TARS3: variants seen among roughly 807,000 people sequenced by gnomAD.
The protein encoded by TARS3 is threonine--tRNA ligase 2, cytoplasmic.
In TARS3, 94 loss-of-function variants were observed where a neutral mutation model predicts 103.5. That is an observed-to-expected ratio of 0.91 (90% CI 0.77 to 1.08). The LOEUF is 1.08. TARS3 is among the 50% of genes least tolerant of loss of function. The probability of loss-of-function intolerance (pLI) is 0.00; values close to 1 mark genes in which losing one functional copy is unlikely to be tolerated. For missense variants in TARS3, 952 were observed against 995.2 expected (o/e 0.96, Z 0.58); for synonymous variants, 416 against 355.4 (o/e 1.17, Z -1.92).
chr15:101,657,001 A>G lies in TARS3; in HGVS notation c.2181T>C (p.Ala727=). 1 of 1,613,954 alleles carries G rather than the reference A, an allele frequency of 6.2e-7. No individual in the cohort carries two copies. Among genetic ancestry groups the G allele is most frequent in the South Asian group, 1.1e-5 (1 of 91,066 alleles). ...TACAACTGTGATCCAAGTCAACGTC[A>G]GCCATAAATCCTTCTTCAAAAAATT... ...SSEFFEEGFM[A]DVDLDHSCTL... The change falls in exon 18 of 19, where the codon GCT becomes GCC. Residue 727 remains alanine (A), a synonymous_variant. Transcript: ENST00000335968.
intron 3 of TARS3, among the ~76,000 whole-genome samples, chr15:101,716,902 G>A (rs1053025085): frequency 6.7e-6 from 1 of 148,804 alleles, no homozygotes; most frequent in Non-Finnish European, 1.5e-5. Context: ...TGTCACCCAG[G>A]CTGGAGTGCA....
intron 16 of TARS3, 114 bp downstream of exon 16, chr15:101,661,594 TTTTC>T (rs1176806138): frequency 1.6e-6 from 1 of 639,414 alleles, no homozygotes; most frequent in Admixed American, 3.5e-5. Flanking sequence ...GTTACTACTT[TTTTC>T]TTTTACACAT....
At chr15:101,698,129 G>A (rs7162197) in intron 10 of TARS3, among the ~76,000 whole-genome samples, 1,900 of 152,226 alleles carry the variant, frequency 0.012, 33 homozygotes, top group African/African-American at 0.042. Context: ...GAAGTCAGGA[G>A]ATCTAGACCA....
chr15:101,702,399 A>G lies in TARS3; in HGVS notation c.1075-14T>C. The G allele has an allele frequency of 6.2e-7, 1 of 1,610,068 alleles. No individual in the cohort carries two copies. Among genetic ancestry groups the G allele is most frequent in the Non-Finnish European group, 8.5e-7 (1 of 1,176,610 alleles). The stretch of plus-strand genomic sequence containing the variant: ...TGTTGAGGAATTCTAAATATCAAAG[A>G]GGATTTTGGTAAATATATCATACAT... On this transcript the variant is annotated splice_polypyrimidine_tract_variant and intron_variant, in intron 8 of 18. Transcript: ENST00000335968.
At chr15:101,676,450 T>C (rs1898029620) in intron 12 of TARS3, among the ~76,000 whole-genome samples, 1 of 152,160 alleles carries the variant, frequency 6.6e-6, no homozygotes, top group African/African-American at 2.4e-5. Flanking sequence ...GGGAATTTGA[T>C]GGATTTGAGA....
Position 101,657,844 on chromosome 15 carries a change from A to C in TARS3, c.2086T>G (p.Ser696Ala). Residue 696 changes from serine to alanine, a missense_variant, in exon 17 of 19, where the codon TCT becomes GCT. Physicochemically the swap from Ser to Ala is moderately conservative, Grantham distance 99 (BLOSUM62 1). This residue lies in a region of TARS3 where 540 missense variants were observed against 631.0 expected (regional missense o/e 0.86). Coordinates refer to ENST00000335968, the MANE Select transcript of TARS3 (RefSeq NM_152334.3). ...GGGATGACCATCACCTGACGAGGAG[A>C]TAGCCAGAAAGGCCTGAAAAATATA... ...NYGGKWPFWL[S>A]PRQVMVIPVG... The C allele has an allele frequency of 6.2e-7, 1 of 1,605,310 alleles. No individual in the cohort carries two copies. The highest frequency in any genetic ancestry group is 8.5e-7 in the Non-Finnish European group (1 of 1,175,000).
chr15:101,690,463 C>T (rs908244595), intron 10 of TARS3, among the ~76,000 whole-genome samples: 14 of 152,288 alleles, frequency 9.2e-5, no homozygotes, highest in Admixed American at 7.2e-4. Context: ...GCCTGCTGTT[C>T]CTGTATTTCA....
chr15:101,675,878 A>G (rs1898000879), intron 12 of TARS3, 141 bp from the exon 13 acceptor site: 1 of 922,844 alleles, frequency 1.1e-6, no homozygotes, highest in South Asian at 1.7e-5. Flanking sequence ...TTGCTTATCC[A>G]ATCCTGAGCT....
chr15:101,687,423 T>C (rs1193171226), intron 10 of TARS3, among the ~76,000 whole-genome samples: 1 of 151,932 alleles, frequency 6.6e-6, no homozygotes, highest in Non-Finnish European at 1.5e-5. Flanking sequence ...AGAAAATGTT[T>C]AACAAAATGA....
intron 13 of TARS3, among the ~76,000 whole-genome samples, chr15:101,672,982 C>T (rs1897870784): frequency 6.6e-6 from 1 of 152,188 alleles, no homozygotes; most frequent in African/African-American, 2.4e-5. Flanking sequence ...GTCACTGCTG[C>T]TCCTCGGGCC....
chr15:101,704,662 TAAAA>T (rs558123891), intron 7 of TARS3, among the ~76,000 whole-genome samples: 1 of 93,122 alleles, frequency 1.1e-5, no homozygotes, highest in African/African-American at 4.4e-5. Flanking sequence ...CTCAAAAAAT[TAAAA>T]AAAAAAAAAA....
chr15:101,668,336 A>T lies in TARS3; in HGVS notation c.1967+3150T>A, dbSNP rs145504231. On this transcript the variant is annotated intron_variant, in intron 15 of 18. Transcript: ENST00000335968. The stretch of plus-strand genomic sequence containing the variant: ...TGTTATTGTGTCTCAGGGAATAGGG[A>T]AGGCTGAGGAGAGGGAGAGAGATTA... Among the ~76,000 whole-genome samples the T allele has an allele frequency of 2.0e-5, 3 of 152,210 alleles. No homozygotes were observed. In the East Asian group the frequency reaches 5.8e-4, roughly 29 times the overall value.
chr15:101,707,834 G>A (rs1899646360), intron 6 of TARS3, among the ~76,000 whole-genome samples: 1 of 152,084 alleles, frequency 6.6e-6, no homozygotes, highest in African/African-American at 2.4e-5. Context: ...GGATTAAATG[G>A]TAAATTTTAT....
At position 101,654,717 on chromosome 15, in the gene TARS3, C is replaced by T; in HGVS notation, c.2274G>A (p.Lys758=). ...CGTTTACAGCATTATCTATCTTTTC[C>T]TTTTCTCCAACCACTGCAGAAAAGA... The part of the protein sequence containing the change: ...QYNFILVVGE[K]EKIDNAVNVR... The change falls in exon 19 of 19, where the codon AAG becomes AAA. Residue 758 remains lysine, a synonymous_variant. Transcript: ENST00000335968. 6.2e-7 allele frequency: 1 copy of T among 1,613,596 alleles called. No homozygotes were observed. Among genetic ancestry groups the T allele is most frequent in the South Asian group, 1.1e-5 (1 of 90,932 alleles).
intron 15 of TARS3, among the ~76,000 whole-genome samples, chr15:101,665,854 G>A (rs1197825804): frequency 6.6e-6 from 1 of 152,102 alleles, no homozygotes; most frequent in African/African-American, 2.4e-5. Flanking sequence ...GTCATATTTT[G>A]TATTAAATTT....
Position 101,657,817 on chromosome 15 carries a change from C to A in TARS3, c.2113G>T (p.Val705Leu), listed in dbSNP as rs776089185. 5 of 1,609,890 alleles carry A rather than the reference C, an allele frequency of 3.1e-6. No individual in the cohort carries two copies. The Admixed American group carries it at 8.4e-5, about 27-fold the overall frequency. ...GCATATTTTTCACAAGTTGGCCCCA[C>A]AGGGATGACCATCACCTGACGAGGA... ...LSPRQVMVIP[V>L]GPTCEKYALQ... is the part of the protein sequence containing the mutation. Residue 705 changes from valine to leucine, a missense_variant, in exon 17 of 19, where the codon GTG (valine) becomes TTG (leucine). Val to Leu is a conservative substitution (Grantham distance 32, BLOSUM62 1). This residue lies in a region of TARS3 where 540 missense variants were observed against 631.0 expected (regional missense o/e 0.86). Coordinates refer to ENST00000335968, the MANE Select transcript of TARS3 (RefSeq NM_152334.3).
In TARS3 at chr15:101,654,840, TATC is replaced by T. The variant is rs1897138980; in HGVS notation, c.2261-113_2261-111del. 13 of 985,822 alleles carry T rather than the reference TATC, an allele frequency of 1.3e-5. No homozygotes were observed. The South Asian group carries it at 1.6e-4, about 12-fold the overall frequency. 61.1% of individuals were successfully genotyped at this position (985,822 alleles called of 1,614,324 possible). ...CAAGTTTTTCTTCACTAATATTAAA[TATC>T]ATCTAATGAGCATTTGGTTCATCCT... On this transcript the variant is annotated intron_variant, in intron 18 of 18. Coordinates refer to ENST00000335968, the MANE Select transcript of TARS3 (RefSeq NM_152334.3).
rs367844414 is a variant in TARS3, at chr15:101,671,783, A to G, written c.1789-35T>C. On this transcript the variant is annotated intron_variant, in intron 13 of 18. Coordinates refer to ENST00000335968, the MANE Select transcript of TARS3 (RefSeq NM_152334.3). ...AAGAAGAAAAAAGATACAATTATAC[A>G]CTGTATCTTTTTTTTTTACATACAG... 4.3e-5 allele frequency: 67 copies of G among 1,559,048 alleles called. No individual in the cohort carries two copies. The African/African-American group carries it at 8.1e-4, about 19-fold the overall frequency.
At chr15:101,661,051 T>C (rs1316295099) in intron 16 of TARS3, among the ~76,000 whole-genome samples, 2 of 151,926 alleles carry the variant, frequency 1.3e-5, no homozygotes, top group African/African-American at 4.8e-5. Flanking sequence ...TGTGCATCCA[T>C]GTAACTCCTT....
Sources: gnomAD v4.1 joint callset for allele counts (sites outside exome capture counted in the v4.1 genomes callset) on GRCh38, gnomAD v4.1.1 for gene constraint, gnomAD v4.1.1 regional missense constraint, MANE v1.5 for transcripts, NCBI Gene and HGNC (gene_info 2026-07-23, HGNC 2026-07-21) for gene names.